CUX1: variants seen among roughly 807,000 people sequenced by gnomAD.
CUX1 encodes the protein protein CASP.
In CUX1, 31 loss-of-function variants were observed where a neutral mutation model predicts 158.8. The observed-to-expected ratio is 0.20, with a 90% CI of 0.15 to 0.26. The LOEUF is 0.26. Ranked by LOEUF, CUX1 falls within the 10% of genes least tolerant of loss-of-function variation. The pLI, the probability that CUX1 is intolerant of heterozygous loss-of-function variation, is 1.00. For missense variants in CUX1, 1,589 were observed against 2,014.6 expected (o/e 0.79, Z 4.04); for synonymous variants, 879 against 862.1 (o/e 1.02, Z -0.34).
chr7:102,181,959 G>C (rs1793132747), intron 11 of CUX1, among the ~76,000 whole-genome samples: 1 of 152,204 alleles, frequency 6.6e-6, no homozygotes, highest in African/African-American at 2.4e-5. Flanking sequence ...TTTTGCCATG[G>C]GGAACCCTGC....
chr7:102,031,297 G>GATCT (rs1820759758), intron 3 of CUX1, among the ~76,000 whole-genome samples: 1 of 152,082 alleles, frequency 6.6e-6, no homozygotes, highest in South Asian at 2.1e-4. Flanking sequence ...GACCTCAAGT[G>GATCT]ATCTGCCTGC....
At chr7:102,026,648 C>T (rs1282883220) in intron 2 of CUX1, among the ~76,000 whole-genome samples, 6 of 151,320 alleles carry the variant, frequency 4.0e-5, no homozygotes, top group Admixed American at 6.6e-5. Flanking sequence ...GGTGAAACCC[C>T]GTCTCTACTA....
Position 101,869,351 on chromosome 7 carries a change from G to C in CUX1, c.31-46764G>C, listed in dbSNP as rs564217141. Among the ~76,000 whole-genome samples, 3 of 152,336 alleles carry C rather than the reference G, an allele frequency of 2.0e-5. No individual in the cohort carries two copies. Among genetic ancestry groups the C allele is most frequent in the African/African-American group, 7.2e-5 (3 of 41,568 alleles). On this transcript the variant is annotated intron_variant, in intron 1 of 23. Transcript: ENST00000292535. This position sits in a 1 kb window ranked among gnomAD's most constrained non-coding sequence, Gnocchi z 4.5. The stretch of plus-strand genomic sequence containing the variant: ...GTCTAGGCTGAGTTTTCATTGCCCA[G>C]CACAGTGCCTGGCACACAGTAGGTG...
In CUX1 at chr7:102,256,379, G is replaced by C. The variant is rs150122069; in HGVS notation, c.*7337G>C. 2.0e-6 allele frequency: 2 copies of C among 985,112 alleles called. No homozygotes were observed. Among genetic ancestry groups the C allele is most frequent in the Non-Finnish European group, 2.4e-6 (2 of 829,802 alleles). The allele number at this position is 985,112 out of a possible 1,614,324, so 61.0% of individuals were successfully genotyped here. ...GGTTAATCATTTAAGTACTTATCAG[G>C]AGTGTATTGTTATTTTGTGTTTTGT... On this transcript the variant is annotated 3_prime_UTR_variant, in exon 24 of 24. Coordinates refer to ENST00000292535, the MANE Select transcript of CUX1 (RefSeq NM_181552.4).
chr7:102,040,419 A>C (rs1183360950), intron 3 of CUX1, among the ~76,000 whole-genome samples: 1 of 152,188 alleles, frequency 6.6e-6, no homozygotes, highest in Non-Finnish European at 1.5e-5. Context: ...CAAGGAAGTT[A>C]GTAGGGCCCG....
intron 16 of CUX1, among the ~76,000 whole-genome samples, chr7:102,274,690 C>G (rs1563526519): frequency 2.0e-5 from 3 of 152,254 alleles, no homozygotes; most frequent in African/African-American, 4.8e-5. Context: ...CCTTGGGGCC[C>G]TGACCCTTCA....
At chr7:102,070,913 A>G (rs1826051834) in intron 4 of CUX1, among the ~76,000 whole-genome samples, 1 of 149,968 alleles carries the variant, frequency 6.7e-6, no homozygotes, top group Admixed American at 6.7e-5. Flanking sequence ...CCTTGCAGCT[A>G]CAACCAAGTA....
intron 11 of CUX1, among the ~76,000 whole-genome samples, chr7:102,184,852 C>T (rs1793472176): frequency 6.6e-6 from 1 of 152,092 alleles, no homozygotes; most frequent in Admixed American, 6.6e-5. Context: ...CTCTATGTTG[C>T]CCCTGCTGGT....
In CUX1 at chr7:102,201,471, A is replaced by G; in HGVS notation, c.2174A>G (p.Asp725Gly). 1 of 1,613,932 alleles carries G rather than the reference A, an allele frequency of 6.2e-7. No individual in the cohort carries two copies. Among genetic ancestry groups the G allele is most frequent in the Non-Finnish European group, 8.5e-7 (1 of 1,179,982 alleles). ...REMEAQQAAL[D>G]PALKQAPLSQ... Reference sequence around the variant, plus strand: ...ATGGAGGCCCAGCAGGCTGCCCTCGACCCTGCCTTAAAGCAGGCACCACTG... The same window carrying G: ...ATGGAGGCCCAGCAGGCTGCCCTCGGCCCTGCCTTAAAGCAGGCACCACTG... Residue 725 changes from aspartate (D) to glycine (G), a missense_variant, in exon 18 of 24, where the codon GAC (aspartate) becomes GGC (glycine). By Grantham distance (94) the Asp-to-Gly change is moderately conservative. Around this residue, in one of 8 missense-constraint regions of CUX1, gnomAD observed 337 missense variants for 409.3 expected, o/e 0.82. Transcript: ENST00000292535. The surrounding 1 kb of genome is among the most constrained non-coding windows in gnomAD (Gnocchi z 5.0).
At chr7:102,113,074 T>C (rs982237081) in intron 7 of CUX1, among the ~76,000 whole-genome samples, 3 of 152,020 alleles carry the variant, frequency 2.0e-5, no homozygotes, top group Non-Finnish European at 4.4e-5. Flanking sequence ...AGAGAAACAG[T>C]GCAGTCGAAC....
At chr7:101,993,557 G>A (rs1815427031) in intron 2 of CUX1, among the ~76,000 whole-genome samples, 1 of 152,152 alleles carries the variant, frequency 6.6e-6, no homozygotes, top group African/African-American at 2.4e-5. Flanking sequence ...ATAAAGCAAA[G>A]TGCCTGGCAC....
At chr7:101,874,449 C>T (rs191422956) in intron 1 of CUX1, among the ~76,000 whole-genome samples, 48 of 152,326 alleles carry the variant, frequency 3.2e-4, no homozygotes, top group Admixed American at 2.8e-3. Context: ...TAAACTCCAC[C>T]GGTAGCTGAG....
At chr7:102,097,780 G>A (rs782470822) in intron 5 of CUX1, among the ~76,000 whole-genome samples, 9 of 152,178 alleles carry the variant, frequency 5.9e-5, no homozygotes, top group South Asian at 4.1e-4. Context: ...GTATCATTAC[G>A]TGATTGGGTC....
rs573639877 is a variant in CUX1 at position 102,076,534 on chromosome 7, A to C, written c.268+6117A>C. On this transcript the variant is annotated intron_variant, in intron 4 of 23. Transcript: ENST00000292535. The stretch of plus-strand genomic sequence containing the variant: ...TTCATTTGCCACCAGATCGCTTCTT[A>C]TTTCTTAGTCAGTTTCGCGAGTACT... Among the ~76,000 whole-genome samples, 9 of 151,912 alleles carry C rather than the reference A, an allele frequency of 5.9e-5. 1 individual carries two copies. The highest frequency in any genetic ancestry group is 1.9e-4 in the African/African-American group (8 of 41,398).
chr7:101,936,007 A>G (rs150749876), intron 2 of CUX1, among the ~76,000 whole-genome samples: 19 of 152,314 alleles, frequency 1.2e-4, no homozygotes, highest in African/African-American at 4.3e-4. Flanking sequence ...GTCTTATTCA[A>G]CAACGATCTG....
intron 22 of CUX1, among the ~76,000 whole-genome samples, chr7:102,238,205 A>T (rs1554533532): frequency 7.1e-6 from 1 of 141,022 alleles, no homozygotes; most frequent in Non-Finnish European, 1.6e-5. Flanking sequence ...GGAAAGGGAT[A>T]CTCCCTTTCC....
chr7:102,043,227 A>G (rs1295604612), intron 3 of CUX1, among the ~76,000 whole-genome samples: 1 of 152,092 alleles, frequency 6.6e-6, no homozygotes, highest in Non-Finnish European at 1.5e-5. Context: ...GTGGGATTAC[A>G]GGCGTGATCC....
chr7:101,992,454 G>A (rs1815269136), intron 2 of CUX1, among the ~76,000 whole-genome samples: 1 of 152,140 alleles, frequency 6.6e-6, no homozygotes, highest in Admixed American at 6.5e-5. Flanking sequence ...GTCAGCTAAC[G>A]AGACTGTTAC....
intron 1 of CUX1, among the ~76,000 whole-genome samples, chr7:101,851,697 T>C (rs1335734055): frequency 6.6e-6 from 1 of 152,240 alleles, no homozygotes; most frequent in Non-Finnish European, 1.5e-5. Flanking sequence ...TCAGATTTCA[T>C]GAACACGCAC....
Sources: gnomAD v4.1 joint callset for allele counts (sites outside exome capture counted in the v4.1 genomes callset) on GRCh38, gnomAD v4.1.1 for gene constraint, gnomAD v4.1.1 regional missense constraint, Gnocchi (gnomAD v3.1) non-coding constraint, MANE v1.5 for transcripts, NCBI Gene and HGNC (gene_info 2026-07-23, HGNC 2026-07-21) for gene names.